Variants in MYLK observed in about 807,000 individuals in gnomAD.
The protein encoded by MYLK is myosin light chain kinase, smooth muscle.
MYLK carries 106 observed loss-of-function variants against 203.4 expected under a neutral mutation model. The ratio of observed to expected loss-of-function variants is 0.52; its 90% CI spans 0.45 to 0.61. The LOEUF is 0.61. Ranked by LOEUF, MYLK falls within the 20% of genes least tolerant of loss-of-function variation. The pLI is 0.00. For missense variants in MYLK, 2,072 were observed against 2,442.3 expected (o/e 0.85, Z 3.20); for synonymous variants, 867 against 959.5 (o/e 0.90, Z 1.78).
intron 3 of MYLK, among the ~76,000 whole-genome samples, chr3:123,824,022 C>T (rs13320659): frequency 0.14 from 21,979 of 152,020 alleles, 1,973 homozygotes; most frequent in South Asian, 0.21. Context: ...ACCACTTGAC[C>T]ATCCTATATA....
At chr3:123,865,530 T>G (rs2032268440) in intron 2 of MYLK, among the ~76,000 whole-genome samples, 1 of 152,224 alleles carries the variant, frequency 6.6e-6, no homozygotes, top group South Asian at 2.1e-4. Context: ...CTTGCTAACT[T>G]GCTTAGTACT....
Position 123,778,512 on chromosome 3 carries a change from C to CAA in MYLK, c.165+15163_165+15164dup, listed in dbSNP as rs5852365. ...TGGGCAACAGAGTGAGACTCTGCCT[C>CAA]AAAAAAAAAAAAAAAAAAAAATCAC... On this transcript the variant is annotated intron_variant, in intron 4 of 33. Coordinates refer to ENST00000360304, the MANE Select transcript of MYLK (RefSeq NM_053025.4). Among the ~76,000 whole-genome samples the CAA allele has an allele frequency of 1.6e-3, 158 of 98,126 alleles. 1 individual carries two copies. Among genetic ancestry groups the CAA allele is most frequent in the Middle Eastern group, 0.014 (3 of 208 alleles). 64.4% of individuals were successfully genotyped at this position (98,126 alleles called of 152,430 possible).
Position 123,738,892 on chromosome 3 carries a change from C to T in MYLK, c.588+5G>A, listed in dbSNP as rs1428590070. On this transcript the variant is annotated splice_donor_5th_base_variant and intron_variant, in intron 7 of 33. Transcript: ENST00000360304. Reference sequence around the variant, plus strand: ...GATCAGGGTCAGGGCAGACAGAAACCTCACCTTGAGCCAGGTGACCTGCGG... The same window carrying T: ...GATCAGGGTCAGGGCAGACAGAAACTTCACCTTGAGCCAGGTGACCTGCGG... 2 of 1,607,266 alleles carry T rather than the reference C, an allele frequency of 1.2e-6. No homozygotes were observed. The highest frequency in any genetic ancestry group is 8.5e-7 in the Non-Finnish European group (1 of 1,176,474).
Position 123,610,581 on chromosome 3 carries a change from C to G in MYLK, c.*3524G>C, listed in dbSNP as rs1160176757. The G allele has an allele frequency of 1.3e-5, 2 of 152,120 alleles. No individual in the cohort carries two copies. The highest frequency in any genetic ancestry group is 3.8e-4 in the East Asian group (2 of 5,196). 9.4% of individuals were successfully genotyped at this position (152,120 alleles called of 1,614,324 possible). ...GGACTAGTCACATGGCCCCATCTAA[C>G]CAGGAAGCCGAGAGTGAAGCCCTAA... On this transcript the variant is annotated 3_prime_UTR_variant, in exon 34 of 34. Coordinates refer to ENST00000360304, the MANE Select transcript of MYLK (RefSeq NM_053025.4).
Position 123,722,185 on chromosome 3 carries a change from A to T in MYLK, c.1747T>A (p.Cys583Ser). The T allele has an allele frequency of 6.4e-7, 1 of 1,562,818 alleles. No homozygotes were observed. The highest frequency in any genetic ancestry group is 8.7e-7 in the Non-Finnish European group (1 of 1,153,294). ...TGCCCCAAGGCATTCTCAGCTAGGC[A>T]GGTGTAGGTGCCATGGTCCTCCGGC... ...ALPEDHGTYT[C>S]LAENALGQVS... Residue 583 changes from cysteine (C) to serine (S), a missense_variant, in exon 13 of 34, where the codon TGC becomes AGC. Physicochemically the swap from Cys to Ser is moderately radical, Grantham distance 112. Coordinates refer to ENST00000360304, the MANE Select transcript of MYLK (RefSeq NM_053025.4).
chr3:123,652,795 G>A (rs2059259869), intron 24 of MYLK, among the ~76,000 whole-genome samples: 3 of 152,224 alleles, frequency 2.0e-5, no homozygotes, highest in Non-Finnish European at 4.4e-5. Flanking sequence ...TGGGCTGGGA[G>A]GGAGCGGGGC....
intron 13 of MYLK, among the ~76,000 whole-genome samples, chr3:123,711,294 C>CA (rs1477906867): frequency 6.6e-6 from 1 of 152,120 alleles, no homozygotes; most frequent in Non-Finnish European, 1.5e-5. Context: ...GCAAAGGTTT[C>CA]ATGTGTGTGC....
intron 27 of MYLK, among the ~76,000 whole-genome samples, chr3:123,643,286 A>G (rs1169250846): frequency 6.6e-6 from 1 of 152,224 alleles, no homozygotes; most frequent in African/African-American, 2.4e-5. Flanking sequence ...TATTTGGCAC[A>G]GACAAGGTGC....
intron 23 of MYLK, among the ~76,000 whole-genome samples, chr3:123,661,239 G>C (rs1274955575): frequency 1.3e-5 from 2 of 152,222 alleles, no homozygotes; most frequent in Admixed American, 1.3e-4. Context: ...TGGGGGCTGG[G>C]GGGAGGGAGA....
intron 2 of MYLK, among the ~76,000 whole-genome samples, chr3:123,852,919 C>T (rs1236679067): frequency 6.6e-6 from 1 of 152,074 alleles, no homozygotes; most frequent in Admixed American, 6.6e-5. Flanking sequence ...CTCCAGTCTC[C>T]CCATATTTGA....
chr3:123,720,127 G>T (rs820348), intron 13 of MYLK, among the ~76,000 whole-genome samples: 1 of 152,210 alleles, frequency 6.6e-6, no homozygotes, highest in Non-Finnish European at 1.5e-5. Flanking sequence ...AGGGGGTTCT[G>T]TCATGCAGGC....
chr3:123,755,516 A>T (rs2063333217), intron 4 of MYLK, among the ~76,000 whole-genome samples: 2 of 152,226 alleles, frequency 1.3e-5, no homozygotes, highest in African/African-American at 4.8e-5. Flanking sequence ...TTGGACCTGA[A>T]GCAAAGGCAG....
At chr3:123,865,126 C>T (rs539260809) in intron 2 of MYLK, among the ~76,000 whole-genome samples, 1 of 152,292 alleles carries the variant, frequency 6.6e-6, no homozygotes, top group East Asian at 1.9e-4. Context: ...CTTCCTAGTT[C>T]ACAGCTCCTA....
At chr3:123,701,174 G>GCTC (rs2061198846) in intron 17 of MYLK, among the ~76,000 whole-genome samples, 169 bp from the exon 18 acceptor site, 1 of 147,990 alleles carries the variant, frequency 6.8e-6, no homozygotes, top group South Asian at 2.1e-4. Context: ...GGTGAGAGGC[G>GCTC]CTCGCTTGCT....
chr3:123,714,690 T>G (rs1295375765), intron 13 of MYLK, among the ~76,000 whole-genome samples: 1 of 152,160 alleles, frequency 6.6e-6, no homozygotes, highest in Non-Finnish European at 1.5e-5. Context: ...CTTTCTGGAG[T>G]GCAGAAAGGG....
chr3:123,877,440 C>T (rs953777733), intron 1 of MYLK, among the ~76,000 whole-genome samples: 1 of 152,118 alleles, frequency 6.6e-6, no homozygotes, highest in Non-Finnish European at 1.5e-5. Flanking sequence ...ACGGTCTGGT[C>T]AGGAAAAAAT....
intron 5 of MYLK, among the ~76,000 whole-genome samples, chr3:123,747,047 C>A (rs2063040795): frequency 6.6e-6 from 1 of 152,102 alleles, no homozygotes; most frequent in Non-Finnish European, 1.5e-5. Flanking sequence ...ATAGACACGG[C>A]CTAAAAATGT....
At chr3:123,803,195 C>G (rs570677576) in intron 3 of MYLK, among the ~76,000 whole-genome samples, 2 of 152,286 alleles carry the variant, frequency 1.3e-5, no homozygotes. Flanking sequence ...CTAATAGCCT[C>G]GTAGCTGCAA....
intron 23 of MYLK, among the ~76,000 whole-genome samples, chr3:123,659,091 T>G (rs1320970709): frequency 6.6e-6 from 1 of 152,184 alleles, no homozygotes; most frequent in Non-Finnish European, 1.5e-5. Context: ...TTTGAAACAT[T>G]TCTGGTTTTG....
Sources: allele counts gnomAD v4.1 joint callset (sites outside exome capture counted in the v4.1 genomes callset), GRCh38; gene constraint gnomAD v4.1.1; transcripts MANE v1.5; gene names NCBI Gene and HGNC (gene_info 2026-07-23, HGNC 2026-07-21).